The following DGKB variants were observed in gnomAD, a reference collection of about 807,000 sequenced individuals.
The protein encoded by DGKB is 90 kDa diacylglycerol kinase.
Under a neutral mutation model 114.3 loss-of-function variants are expected in DGKB, and 67 were observed. The ratio of observed to expected loss-of-function variants is 0.59; its 90% confidence interval spans 0.48 to 0.72. DGKB has a LOEUF of 0.72. Ranked by LOEUF, DGKB falls within the 30% of genes least tolerant of loss-of-function variation. The pLI, the probability that DGKB is intolerant of heterozygous loss-of-function variation, is 0.00. For synonymous variants in DGKB, 398 were observed against 323.1 expected (o/e 1.23, Z -2.49); for missense variants, 907 against 975.2 (o/e 0.93, Z 0.93).
At chr7:14,370,730 C>T (rs925840161) in intron 21 of DGKB, among the ~76,000 whole-genome samples, 59 of 152,120 alleles carry the variant, frequency 3.9e-4, no homozygotes, top group African/African-American at 1.4e-3. Context: ...GGGTATATTG[C>T]ATGAAGCTGA....
intron 23 of DGKB, among the ~76,000 whole-genome samples, chr7:14,280,623 C>T (rs373409972): frequency 2.0e-5 from 3 of 150,956 alleles, no homozygotes; most frequent in African/African-American, 7.3e-5. Flanking sequence ...AGGTCGGGTT[C>T]CCCTCAAAGG....
intron 23 of DGKB, among the ~76,000 whole-genome samples, chr7:14,233,692 C>T (rs1020102480): frequency 1.3e-5 from 2 of 151,964 alleles, no homozygotes; most frequent in African/African-American, 4.8e-5. Context: ...GGAGAAAGGG[C>T]GGACAGGTAG....
intron 23 of DGKB, among the ~76,000 whole-genome samples, chr7:14,201,119 C>T (rs545792325): frequency 1.3e-5 from 2 of 152,100 alleles, no homozygotes; most frequent in South Asian, 2.1e-4. Context: ...GGAAATCCAA[C>T]ATCAAGGCAC....
upstream of DGKB, among the ~76,000 whole-genome samples, chr7:14,904,076 G>C (rs574458793): frequency 2.6e-5 from 4 of 151,962 alleles, no homozygotes; most frequent in African/African-American, 9.7e-5. Context: ...TATGACATTC[G>C]GCAGAACTTA....
At chr7:14,338,456 A>G (rs2128575162) in intron 23 of DGKB, 59 bp downstream of exon 23, 2 of 1,102,566 alleles carry the variant, frequency 1.8e-6, no homozygotes, top group East Asian at 2.5e-5. Flanking sequence ...TTTACTTTTA[A>G]AGAAGCCTTT....
chr7:14,380,526 T>C (rs1311502795), intron 21 of DGKB, among the ~76,000 whole-genome samples: 2 of 152,128 alleles, frequency 1.3e-5, no homozygotes, highest in African/African-American at 2.4e-5. Flanking sequence ...TCATTTTGCT[T>C]TATGTGTTCA....
intron 21 of DGKB, among the ~76,000 whole-genome samples, chr7:14,380,170 C>T (rs1305963866): frequency 6.6e-6 from 1 of 151,994 alleles, no homozygotes; most frequent in Non-Finnish European, 1.5e-5. Context: ...GTTATCACTG[C>T]CCAGCCCTAA....
At chr7:14,407,729 C>G (rs995867301) in intron 21 of DGKB, among the ~76,000 whole-genome samples, 5 of 152,020 alleles carry the variant, frequency 3.3e-5, no homozygotes, top group African/African-American at 7.2e-5. Context: ...TTGGTTAAGA[C>G]AGAGTAAATA....
At chr7:14,465,050 G>T (rs1464598546) in intron 21 of DGKB, among the ~76,000 whole-genome samples, 1 of 152,082 alleles carries the variant, frequency 6.6e-6, no homozygotes, top group Non-Finnish European at 1.5e-5. Context: ...ATTGGACATG[G>T]GTATGAGAAG....
intron 21 of DGKB, among the ~76,000 whole-genome samples, chr7:14,402,248 T>G (rs1450752329): frequency 6.6e-6 from 1 of 151,862 alleles, no homozygotes; most frequent in Non-Finnish European, 1.5e-5. Flanking sequence ...GCTTAGCTAT[T>G]TCTGTAAGTG....
intron 13 of DGKB, among the ~76,000 whole-genome samples, chr7:14,669,972 A>G (rs1475839517): frequency 6.6e-6 from 1 of 152,016 alleles, no homozygotes; most frequent in Non-Finnish European, 1.5e-5. Context: ...TTTGTTTTGT[A>G]TTATTGTGTT....
intron 20 of DGKB, among the ~76,000 whole-genome samples, chr7:14,504,850 A>G (rs1786775997): frequency 6.6e-6 from 1 of 152,172 alleles, no homozygotes; most frequent in Admixed American, 6.5e-5. Context: ...ATGCCACTAA[A>G]TACTAGATGA....
At chr7:14,956,494 G>C (rs1241262831) in intron 1 of DGKB, among the ~76,000 whole-genome samples, 1 of 151,948 alleles carries the variant, frequency 6.6e-6, no homozygotes, top group Non-Finnish European at 1.5e-5. Context: ...AAAGTAGTAA[G>C]TAATTTACTA....
intron 23 of DGKB, among the ~76,000 whole-genome samples, chr7:14,292,329 A>G (rs1266386537): frequency 6.6e-6 from 1 of 152,130 alleles, no homozygotes; most frequent in Non-Finnish European, 1.5e-5. Context: ...GCACTGACTC[A>G]GAATGTGGAA....
At chr7:14,453,075 C>T (rs558236015) in intron 21 of DGKB, among the ~76,000 whole-genome samples, 37 of 152,266 alleles carry the variant, frequency 2.4e-4, no homozygotes, top group Middle Eastern at 3.4e-3. Flanking sequence ...GTGATTACTA[C>T]GCTCCAGGCA....
At chr7:14,229,955 T>C (rs1584590973) in intron 23 of DGKB, among the ~76,000 whole-genome samples, 1 of 151,964 alleles carries the variant, frequency 6.6e-6, no homozygotes, top group Non-Finnish European at 1.5e-5. Context: ...TGTAATGAAA[T>C]TTTCCTATCT....
At chr7:14,582,361 T>A (rs1186400575) in intron 18 of DGKB, among the ~76,000 whole-genome samples, 6 of 152,176 alleles carry the variant, frequency 3.9e-5, no homozygotes, top group African/African-American at 1.4e-4. Flanking sequence ...TTACCTTATA[T>A]CCTCAGTGAT....
At position 14,681,252 on chromosome 7, in the gene DGKB, CCAAA is replaced by C. The variant is rs61128556; in HGVS notation, c.1035+1297_1035+1300del. The stretch of plus-strand genomic sequence containing the variant: ...ATCGTTAGACATTTTATTATACTAA[CCAAA>C]CACTTTTAAAAAACTATCTTTCATA... On this transcript the variant is annotated intron_variant, in intron 12 of 25. Transcript: ENST00000402815. Among the ~76,000 whole-genome samples, 749 of 152,048 alleles carry C rather than the reference CCAAA, an allele frequency of 4.9e-3. 5 individuals carry two copies. Among genetic ancestry groups the C allele is most frequent in the African/African-American group, 0.018 (728 of 41,496 alleles).
chr7:14,506,722 T>C (rs1436747291), intron 20 of DGKB, among the ~76,000 whole-genome samples: 1 of 152,158 alleles, frequency 6.6e-6, no homozygotes, highest in Non-Finnish European at 1.5e-5. Context: ...AGTGGGTGAA[T>C]AGAGATATCA....
Sources: allele counts gnomAD v4.1 joint callset (sites outside exome capture counted in the v4.1 genomes callset), GRCh38; gene constraint gnomAD v4.1.1; transcripts MANE v1.5; gene names NCBI Gene and HGNC (gene_info 2026-07-23, HGNC 2026-07-21).